The following ZNF250 variants were observed in gnomAD, a reference collection of about 807,000 sequenced individuals.
The protein encoded by ZNF250 is zinc finger protein 250, also known as zinc finger protein (clone 647).
Under a neutral mutation model 37.1 loss-of-function variants are expected in ZNF250, and 13 were observed. The observed-to-expected ratio is 0.35, with a 90% CI of 0.23 to 0.56. The LOEUF (loss-of-function observed/expected upper bound fraction) is 0.56. Ranked by LOEUF, ZNF250 falls within the 20% of genes least tolerant of loss-of-function variation. The pLI, the probability that ZNF250 is intolerant of heterozygous loss-of-function variation, is 0.87. For synonymous variants in ZNF250, 251 were observed against 265.6 expected, an observed-to-expected ratio of 0.94 and a Z score of 0.54; for missense variants, 474 against 697.9, an observed-to-expected ratio of 0.68 and a Z score of 3.61.
At position 144,882,643 on chromosome 8, in the gene ZNF250, T is replaced by C; in HGVS notation, c.540A>G (p.Pro180=). Residue 180 remains proline, a synonymous_variant, in exon 6 of 6, where the codon CCA becomes CCG. Coordinates refer to ENST00000417550, the MANE Select transcript of ZNF250 (RefSeq NM_001109689.4). The surrounding 1 kb of genome is among the most constrained non-coding windows in gnomAD (Gnocchi z 5.5). ...REVQVLSQSM[P]LTPHQAVPSG... is the part of the protein sequence containing the mutation. ...TAGGCACTGCCTGGTGCGGAGTGAG[T>C]GGCATGCTTTGGCTTAAGACCTGAA... 1.2e-6 allele frequency: 2 copies of C among 1,613,830 alleles called. No homozygotes were observed. The highest frequency in any genetic ancestry group is 1.7e-6 in the Non-Finnish European group (2 of 1,179,858).
At position 144,889,703 on chromosome 8, in the gene ZNF250, G is replaced by T; in HGVS notation, c.170-9C>A. On this transcript the variant is annotated splice_polypyrimidine_tract_variant and intron_variant, in intron 3 of 5. Coordinates refer to ENST00000417550, the MANE Select transcript of ZNF250 (RefSeq NM_001109689.4). ...CTTGGATCCTGGAAGTCCTGCTCGT[G>T]GGGAGGGAAGTCTTTGTTTACACAA... The T allele has an allele frequency of 6.2e-7, 1 of 1,611,762 alleles. No homozygotes were observed. The highest frequency in any genetic ancestry group is 8.5e-7 in the Non-Finnish European group (1 of 1,178,690).
Position 144,880,417 on chromosome 8 carries a change from G to A in ZNF250, c.*1098C>T, listed in dbSNP as rs775178247. ...AGTGTGAAGCTCCCCTCCTTTGCCT[G>A]CATGGGAATTGAGACATCTCACGGT... is the stretch of plus-strand genomic sequence containing the variant. On this transcript the variant is annotated 3_prime_UTR_variant, in exon 6 of 6. Transcript: ENST00000417550. 1.8e-5 allele frequency: 8 copies of A among 456,676 alleles called. No homozygotes were observed. The highest frequency in any genetic ancestry group is 3.5e-5 in the Non-Finnish European group (8 of 227,010). The allele number at this position is 456,676 out of a possible 1,614,324, so 28.3% of individuals were successfully genotyped here. A position where few individuals can be genotyped will look rare whatever the true frequency, so the allele number is the denominator to read the frequency against.
chr8:144,896,008 C>CAAAAAAAAA lies in ZNF250; in HGVS notation c.-55+5382_-55+5390dup, dbSNP rs1183288137. On this transcript the variant is annotated intron_variant, in intron 1 of 5. Transcript: ENST00000417550. ...TGCATAACAGAGCAAGACTCTGTCTCAAAAAAAAAAAAAAAAAAAAAATCC... is the reference window on the plus strand; with the variant it reads ...TGCATAACAGAGCAAGACTCTGTCTCAAAAAAAAAAAAAAAAAAAAAAAAAAAAAAATCC... Among the ~76,000 whole-genome samples, 44 of 64,914 alleles carry CAAAAAAAAA rather than the reference C, an allele frequency of 6.8e-4. 1 individual carries two copies. In the East Asian group the frequency reaches 0.011, roughly 16 times the overall value. The allele number at this position is 64,914 out of a possible 152,430, so 42.6% of individuals were successfully genotyped here. A position where few individuals can be genotyped will look rare whatever the true frequency, so the allele number is the denominator to read the frequency against.
intron 1 of ZNF250, among the ~76,000 whole-genome samples, chr8:144,898,999 T>C (rs1422850689): frequency 6.6e-6 from 1 of 152,082 alleles, no homozygotes; most frequent in Non-Finnish European, 1.5e-5. Context: ...ATCAAATAAA[T>C]GGATACAGAA....
intron 1 of ZNF250, among the ~76,000 whole-genome samples, chr8:144,899,490 T>C (rs1393507025): frequency 6.6e-6 from 1 of 152,182 alleles, no homozygotes; most frequent in African/African-American, 2.4e-5. Flanking sequence ...AAATATCACA[T>C]GTATCCCATA....
chr8:144,884,659 A>G lies in ZNF250; in HGVS notation c.347-1823T>C, dbSNP rs149596445. Among the ~76,000 whole-genome samples, 5 of 152,302 alleles carry G rather than the reference A, an allele frequency of 3.3e-5. No homozygotes were observed. The East Asian group carries it at 5.8e-4, about 18-fold the overall frequency. ...AATGTCCTTGCTGTATACATATGCA[A>G]GAGTGGGAAGTGGTGAACATAGGAA... On this transcript the variant is annotated intron_variant, in intron 5 of 5. Coordinates refer to ENST00000417550, the MANE Select transcript of ZNF250 (RefSeq NM_001109689.4).
chr8:144,890,601 C>T lies in ZNF250; in HGVS notation c.-54-198G>A, dbSNP rs1395944215. Reference sequence around the variant, plus strand: ...TGACCCTATGGTTCAGGAGCCTGTCCAGGCCCTGAACACACAGTTCCTGGG... The same window carrying T: ...TGACCCTATGGTTCAGGAGCCTGTCTAGGCCCTGAACACACAGTTCCTGGG... On this transcript the variant is annotated intron_variant, in intron 1 of 5. Coordinates refer to ENST00000417550, the MANE Select transcript of ZNF250 (RefSeq NM_001109689.4). The surrounding 1 kb of genome is among the most constrained non-coding windows in gnomAD (Gnocchi z 5.1). Among the ~76,000 whole-genome samples, 4 of 152,060 alleles carry T rather than the reference C, an allele frequency of 2.6e-5. No individual in the cohort carries two copies. The highest frequency in any genetic ancestry group is 2.0e-4 in the Admixed American group (3 of 15,268).
At chr8:144,888,592 T>C (rs1169800678) in intron 4 of ZNF250, among the ~76,000 whole-genome samples, 1 of 115,040 alleles carries the variant, frequency 8.7e-6, no homozygotes, top group Admixed American at 9.7e-5. Flanking sequence ...AGCAAGACTG[T>C]CTCAAAAAAA....
At chr8:144,892,178 C>A (rs1832388150) in intron 1 of ZNF250, among the ~76,000 whole-genome samples, 1 of 152,234 alleles carries the variant, frequency 6.6e-6, no homozygotes, top group Non-Finnish European at 1.5e-5. Flanking sequence ...AATGCCCATT[C>A]CCTCCAAATG....
intron 1 of ZNF250, among the ~76,000 whole-genome samples, chr8:144,894,922 C>T (rs557325966): frequency 2.5e-4 from 38 of 152,148 alleles, no homozygotes; most frequent in Non-Finnish European, 4.6e-4. Flanking sequence ...CCTTGGCCTC[C>T]GAAAGTGTCA....
At chr8:144,884,288 G>A (rs1380775744) in intron 5 of ZNF250, among the ~76,000 whole-genome samples, 1 of 152,162 alleles carries the variant, frequency 6.6e-6, no homozygotes, top group African/African-American at 2.4e-5. Context: ...GTCTTACCCT[G>A]TCGCCCAGGC....
intron 1 of ZNF250, among the ~76,000 whole-genome samples, chr8:144,898,416 GA>G (rs1274965997): frequency 1.3e-5 from 2 of 152,064 alleles, no homozygotes; most frequent in African/African-American, 2.4e-5. Context: ...AATATGAATG[GA>G]AAAAAATCTA....
At chr8:144,895,353 G>A (rs1398545232) in intron 1 of ZNF250, 1 of 152,130 alleles carries the variant, frequency 6.6e-6, no homozygotes. Context: ...GCCCATGAAG[G>A]GTATGTGTGT....
intron 1 of ZNF250, among the ~76,000 whole-genome samples, chr8:144,900,676 C>T (rs528878728): frequency 1.3e-5 from 2 of 152,308 alleles, no homozygotes; most frequent in African/African-American, 4.8e-5. Context: ...ACAGCATCGA[C>T]AGCAAAATGG....
chr8:144,900,043 G>A (rs1008728325), intron 1 of ZNF250, among the ~76,000 whole-genome samples: 2 of 152,140 alleles, frequency 1.3e-5, no homozygotes, highest in East Asian at 1.9e-4. Flanking sequence ...GACAAATTGA[G>A]AAGCATGTTT....
chr8:144,894,963 C>A (rs1832610367), intron 1 of ZNF250, among the ~76,000 whole-genome samples: 1 of 152,128 alleles, frequency 6.6e-6, no homozygotes, highest in Non-Finnish European at 1.5e-5. Flanking sequence ...CCACACCCGG[C>A]CTGTTTGTTG....
In ZNF250 at chr8:144,878,550, C is replaced by T. The variant is rs770673489; in HGVS notation, c.*2965G>A. 1.3e-5 allele frequency: 2 copies of T among 152,070 alleles called. No individual in the cohort carries two copies. Among genetic ancestry groups the T allele is most frequent in the Non-Finnish European group, 2.9e-5 (2 of 68,012 alleles). 9.4% of individuals were successfully genotyped at this position (152,070 alleles called of 1,614,324 possible). A position where few individuals can be genotyped will look rare whatever the true frequency, so the allele number is the denominator to read the frequency against. On this transcript the variant is annotated 3_prime_UTR_variant, in exon 6 of 6. Transcript: ENST00000417550. Reference sequence around the variant, plus strand: ...TTGGTCCTGAATAATACCTCAGTAACCTCAGCTCCTCCCTTAAGTAACATC... The same window carrying T: ...TTGGTCCTGAATAATACCTCAGTAATCTCAGCTCCTCCCTTAAGTAACATC...
chr8:144,889,219 G>A (rs1832132641), intron 4 of ZNF250, among the ~76,000 whole-genome samples: 1 of 152,182 alleles, frequency 6.6e-6, no homozygotes, highest in African/African-American at 2.4e-5. Flanking sequence ...CCACATTTAG[G>A]ATGCTTTGTT....
At chr8:144,893,811 G>T (rs897939735) in intron 1 of ZNF250, among the ~76,000 whole-genome samples, 2 of 152,160 alleles carry the variant, frequency 1.3e-5, no homozygotes, top group African/African-American at 4.8e-5. Flanking sequence ...TCTTGACACA[G>T]GAGGTGCTGG....
Sources: allele counts gnomAD v4.1 joint callset (sites outside exome capture counted in the v4.1 genomes callset), GRCh38; gene constraint gnomAD v4.1.1; non-coding constraint Gnocchi (gnomAD v3.1); transcripts MANE v1.5; gene names NCBI Gene and HGNC (gene_info 2026-07-23, HGNC 2026-07-21).